KIF26B: variants seen among roughly 807,000 people sequenced by gnomAD.
The protein encoded by KIF26B is kinesin family member 26B, also known as kinesin-like protein KIF26B.
A neutral mutation model predicts 151.2 loss-of-function variants in KIF26B; 63 were observed. The observed-to-expected ratio is 0.42, with a 90% CI of 0.34 to 0.51. KIF26B has a LOEUF of 0.51. KIF26B is among the 20% of genes least tolerant of loss of function. The pLI is 0.07. For missense variants in KIF26B, 2,813 were observed against 2,913.6 expected, an observed-to-expected ratio of 0.97 and a Z score of 0.79; for synonymous variants, 1,357 against 1,262.1, an observed-to-expected ratio of 1.08 and a Z score of -1.59.
At chr1:245,248,043 C>A (rs1053054423) in intron 2 of KIF26B, among the ~76,000 whole-genome samples, 1 of 152,208 alleles carries the variant, frequency 6.6e-6, no homozygotes, top group Non-Finnish European at 1.5e-5. Context: ...AGTGCCAACA[C>A]GGCCGTGCAC....
At chr1:245,333,321 T>C (rs35763033) in intron 2 of KIF26B, among the ~76,000 whole-genome samples, 38,984 of 152,034 alleles carry the variant, frequency 0.26, 7,430 homozygotes, top group African/African-American at 0.51. Flanking sequence ...AGACATGATG[T>C]TAAGTCGAAT....
intron 2 of KIF26B, among the ~76,000 whole-genome samples, chr1:245,258,666 A>C (rs1399357664): frequency 6.6e-6 from 1 of 152,144 alleles, no homozygotes; most frequent in Non-Finnish European, 1.5e-5. Flanking sequence ...TTCTCACAGC[A>C]TCTGACCCGG....
intron 2 of KIF26B, among the ~76,000 whole-genome samples, chr1:245,278,550 A>C (rs1305936399): frequency 2.0e-5 from 3 of 152,112 alleles, no homozygotes; most frequent in Non-Finnish European, 4.4e-5. Context: ...TTCTTTCTAG[A>C]AGTCTAGTGT....
At chr1:245,369,183 G>A (rs1246817406) in intron 3 of KIF26B, among the ~76,000 whole-genome samples, 1 of 149,940 alleles carries the variant, frequency 6.7e-6, no homozygotes, top group Non-Finnish European at 1.5e-5. Context: ...GAGAGAGAGA[G>A]AGAGAGAGAG....
At chr1:245,569,375 A>C (rs1214726245) in intron 5 of KIF26B, among the ~76,000 whole-genome samples, 1 of 152,146 alleles carries the variant, frequency 6.6e-6, no homozygotes, top group Admixed American at 6.5e-5. Context: ...TGGGAGGCTG[A>C]GACGGGAGGA....
chr1:245,172,427 G>A (rs902835756), intron 2 of KIF26B, among the ~76,000 whole-genome samples: 2 of 152,210 alleles, frequency 1.3e-5, no homozygotes, highest in Non-Finnish European at 2.9e-5. Flanking sequence ...TGAGGAAGGT[G>A]AGGAATCTCA....
At chr1:245,664,448 T>A (rs6695192) in intron 10 of KIF26B, among the ~76,000 whole-genome samples, 102,768 of 151,498 alleles carry the variant, frequency 0.68, 35,026 homozygotes, top group East Asian at 0.82. Context: ...CTTTGCTTTT[T>A]TTTTTCTCCT....
At chr1:245,262,379 G>C (rs1670662588) in intron 2 of KIF26B, among the ~76,000 whole-genome samples, 1 of 152,142 alleles carries the variant, frequency 6.6e-6, no homozygotes, top group South Asian at 2.1e-4. Flanking sequence ...ACATCTACCT[G>C]TGCGTCACTT....
At chr1:245,693,461 G>A (rs10924305) in intron 12 of KIF26B, among the ~76,000 whole-genome samples, 100,747 of 152,108 alleles carry the variant, frequency 0.66, 35,130 homozygotes, top group Non-Finnish European at 0.79. Context: ...GCACAGTCCT[G>A]AAAGTTTACT....
chr1:245,595,579 A>G (rs12120946), intron 5 of KIF26B, among the ~76,000 whole-genome samples: 17,543 of 151,982 alleles, frequency 0.12, 1,131 homozygotes, highest in East Asian at 0.25. Flanking sequence ...TTTATTGAGG[A>G]TTTTCACATC....
intron 3 of KIF26B, among the ~76,000 whole-genome samples, chr1:245,390,953 C>CAAAAAACAAAA (rs1491437625): frequency 2.7e-4 from 13 of 48,866 alleles, no homozygotes; most frequent in African/African-American, 9.2e-4. Context: ...AAAAAAAAAA[C>CAAAAAACAAAA]CACCATAAAA....
intron 3 of KIF26B, among the ~76,000 whole-genome samples, chr1:245,369,195 G>C (rs111848460): frequency 0.044 from 5,746 of 129,492 alleles, 329 homozygotes; most frequent in African/African-American, 0.15. Flanking sequence ...GAGAGAGAGA[G>C]AGACAGACAG....
intron 2 of KIF26B, among the ~76,000 whole-genome samples, chr1:245,365,041 G>C (rs375648325): frequency 2.0e-5 from 3 of 152,214 alleles, no homozygotes; most frequent in Non-Finnish European, 2.9e-5. Flanking sequence ...TCATGAACTG[G>C]TGGTCAAGAA....
intron 2 of KIF26B, among the ~76,000 whole-genome samples, chr1:245,280,124 C>G (rs1438851576): frequency 2.6e-5 from 4 of 151,966 alleles, no homozygotes; most frequent in African/African-American, 9.7e-5. Context: ...ATTGGGCGCC[C>G]CATTTCAGCA....
At position 245,495,927 on chromosome 1, in the gene KIF26B, T is replaced by G. The variant is rs1660505564; in HGVS notation, c.1167-44840T>G. ...GACAATGGAACGTCATATTCATGGG[T>G]TGAAAGAATGTAACCGTCAACCTAA... On this transcript the variant is annotated intron_variant, in intron 4 of 14. Coordinates refer to ENST00000407071, the MANE Select transcript of KIF26B (RefSeq NM_018012.4). The surrounding 1 kb of genome is among the most constrained non-coding windows in gnomAD (Gnocchi z 4.2). Among the ~76,000 whole-genome samples, 1 of 152,158 alleles carries G rather than the reference T, an allele frequency of 6.6e-6. No individual in the cohort carries two copies. Among genetic ancestry groups the G allele is most frequent in the African/African-American group, 2.4e-5 (1 of 41,448 alleles).
At chr1:245,222,179 C>T (rs761966472) in intron 2 of KIF26B, among the ~76,000 whole-genome samples, 2 of 152,200 alleles carry the variant, frequency 1.3e-5, no homozygotes, top group Non-Finnish European at 2.9e-5. Flanking sequence ...TGGCTCACGC[C>T]TGTAATCCAG....
chr1:245,381,711 C>A (rs1246597818), intron 3 of KIF26B, among the ~76,000 whole-genome samples: 1 of 152,164 alleles, frequency 6.6e-6, no homozygotes, highest in Non-Finnish European at 1.5e-5. Flanking sequence ...AACTCCACAC[C>A]CTTTCAACAC....
intron 2 of KIF26B, among the ~76,000 whole-genome samples, chr1:245,261,500 T>TCC (rs1222045726): frequency 3.2e-5 from 2 of 61,750 alleles, no homozygotes; most frequent in African/African-American, 6.9e-5. Context: ...TCTCTCTCTC[T>TCC]CTCCCTCCCT....
chr1:245,595,205 T>C (rs981726025), intron 5 of KIF26B, among the ~76,000 whole-genome samples: 1 of 152,196 alleles, frequency 6.6e-6, no homozygotes, highest in African/African-American at 2.4e-5. Flanking sequence ...CCATATTGAA[T>C]AGGAGTGGTG....
Sources: allele counts gnomAD v4.1 joint callset (sites outside exome capture counted in the v4.1 genomes callset), GRCh38; gene constraint gnomAD v4.1.1; non-coding constraint Gnocchi (gnomAD v3.1); transcripts MANE v1.5; gene names NCBI Gene and HGNC (gene_info 2026-07-23, HGNC 2026-07-21).